CCDC33: variants seen among roughly 807,000 people sequenced by gnomAD.
CCDC33 encodes the protein coiled-coil domain-containing protein 33.
A neutral mutation model predicts 91.9 loss-of-function variants in CCDC33; 94 were observed. The ratio of observed to expected loss-of-function variants is 1.02; its 90% CI spans 0.87 to 1.21. The LOEUF (loss-of-function observed/expected upper bound fraction) is 1.21. Among genes scored for constraint, CCDC33 ranks in the 50% most tolerant of loss-of-function variants. The probability of loss-of-function intolerance (pLI) is 0.00; values close to 1 mark genes in which losing one functional copy is unlikely to be tolerated. For synonymous variants in CCDC33, 396 were observed against 374.5 expected (o/e 1.06, Z -0.66); for missense variants, 940 against 935.5 (o/e 1.00, Z -0.06).
intron 7 of CCDC33, among the ~76,000 whole-genome samples, chr15:74,279,463 T>C (rs890450268): frequency 1.3e-5 from 2 of 152,232 alleles, no homozygotes; most frequent in African/African-American, 4.8e-5. Context: ...GTTTTTCTTC[T>C]TCCTATTTTT....
intron 11 of CCDC33, among the ~76,000 whole-genome samples, chr15:74,322,713 G>T (rs552551106): frequency 3.9e-5 from 6 of 152,322 alleles, no homozygotes; most frequent in African/African-American, 1.4e-4. Flanking sequence ...ACTCAGGTTG[G>T]CCTCATCCCA....
In CCDC33 at chr15:74,281,798, C is replaced by G. The variant is rs200133344; in HGVS notation, c.1044C>G (p.Ile348Met). ...CCCAGGACACCAGCCTGAAAACTATCAATGATGAGGCCCCCACAGTGGCTC... is the reference window on the plus strand; with the variant it reads ...CCCAGGACACCAGCCTGAAAACTATGAATGATGAGGCCCCCACAGTGGCTC... ...LPIMDTSLKT[I>M]NDEAPTVALS... Residue 348 changes from isoleucine (I) to methionine (M), a missense_variant, in exon 10 of 19, where the codon ATC becomes ATG. Physicochemically the swap from Ile to Met is conservative, Grantham distance 10 (BLOSUM62 1). Transcript: ENST00000398814. 31 of 1,613,982 alleles carry G rather than the reference C, an allele frequency of 1.9e-5. No homozygotes were observed. The highest frequency in any genetic ancestry group is 2.6e-5 in the Non-Finnish European group (31 of 1,179,932).
intron 10 of CCDC33, among the ~76,000 whole-genome samples, chr15:74,285,909 C>T (rs1014771087): frequency 3.3e-5 from 5 of 152,136 alleles, no homozygotes; most frequent in Non-Finnish European, 7.4e-5. Flanking sequence ...CCCTTTATTG[C>T]ACATTCAGTG....
chr15:74,278,783 C>A (rs2076515606), intron 7 of CCDC33, among the ~76,000 whole-genome samples: 2 of 152,376 alleles, frequency 1.3e-5, no homozygotes, highest in African/African-American at 4.8e-5. Context: ...TTTCATATAG[C>A]TCTCTTATTG....
At chr15:74,279,175 G>A (rs938965375) in intron 7 of CCDC33, among the ~76,000 whole-genome samples, 12 of 152,192 alleles carry the variant, frequency 7.9e-5, no homozygotes, top group Admixed American at 7.2e-4. Context: ...AGTAATTTGC[G>A]ACATGAAGAT....
chr15:74,257,842 C>G (rs574365499), intron 2 of CCDC33, among the ~76,000 whole-genome samples: 1 of 152,342 alleles, frequency 6.6e-6, no homozygotes, highest in South Asian at 2.1e-4. Flanking sequence ...AGACTGGGCT[C>G]CTGGATTGGG....
intron 2 of CCDC33, among the ~76,000 whole-genome samples, chr15:74,222,599 G>T (rs1401475909): frequency 6.7e-6 from 1 of 149,372 alleles, no homozygotes; most frequent in African/African-American, 2.5e-5. Flanking sequence ...AAAAGGAGAA[G>T]AAAAGCTAAT....
At chr15:74,308,392 G>A (rs1310410839) in intron 11 of CCDC33, among the ~76,000 whole-genome samples, 2 of 37,790 alleles carry the variant, frequency 5.3e-5, no homozygotes, top group East Asian at 1.0e-3. Flanking sequence ...CACACATTTG[G>A]TGCTAAATAT....
At chr15:74,237,490 C>T (rs961504560) in intron 1 of CCDC33, among the ~76,000 whole-genome samples, 1 of 152,230 alleles carries the variant, frequency 6.6e-6, no homozygotes, top group Non-Finnish European at 1.5e-5. Flanking sequence ...GGGATACCCT[C>T]TTTGTAGTTA....
chr15:74,283,172 T>G (rs1248106387), intron 10 of CCDC33, among the ~76,000 whole-genome samples: 1 of 152,146 alleles, frequency 6.6e-6, no homozygotes, highest in African/African-American at 2.4e-5. Context: ...GATTGCCCTC[T>G]CAAGGGTAGA....
Position 74,262,523 on chromosome 15 carries a change from G to A in CCDC33, c.269G>A (p.Trp90Ter), listed in dbSNP as rs2076053782. The change falls in exon 3 of 19, where the codon TGG becomes TAG. Residue 90 changes from tryptophan (W) to a stop codon, truncating the protein, a stop_gained. Coordinates refer to ENST00000398814, the MANE Select transcript of CCDC33 (RefSeq NM_025055.5). LOFTEE classifies it high-confidence loss of function. The part of the protein sequence containing the change: ...VTSEPTRAPI[W>*]GDTVNVEIQA... ...TCAGAGCCCACCAGAGCCCCTATCT[G>A]GGGGGACACGGTGAATGTGGAGATC... 3.1e-6 allele frequency: 5 copies of A among 1,613,844 alleles called. No individual in the cohort carries two copies. The highest frequency in any genetic ancestry group is 4.2e-6 in the Non-Finnish European group (5 of 1,179,918).
At chr15:74,226,743 G>A (rs112511609) in intron 2 of CCDC33, among the ~76,000 whole-genome samples, 3,331 of 151,640 alleles carry the variant, frequency 0.022, 123 homozygotes, top group East Asian at 0.15. Flanking sequence ...CAGGAGAATC[G>A]CTTGAACCTG....
intron 7 of CCDC33, among the ~76,000 whole-genome samples, chr15:74,274,797 C>T (rs865990540): frequency 6.6e-6 from 1 of 152,248 alleles, no homozygotes; most frequent in East Asian, 1.9e-4. Context: ...AGGTGCCACT[C>T]ACTACAGAGA....
chr15:74,330,391 C>T (rs1277954052), intron 12 of CCDC33, 37 bp downstream of exon 12: 1 of 1,520,658 alleles, frequency 6.6e-7, no homozygotes, highest in Admixed American at 2.1e-5. Context: ...ACCCGGGCTT[C>T]TGCCTGGGCC....
chr15:74,330,544 G>A, intron 12 of CCDC33, 119 bp from the exon 13 acceptor site: 1 of 1,083,400 alleles, frequency 9.2e-7, no homozygotes, highest in Non-Finnish European at 1.4e-6. Flanking sequence ...GGGAAACAGA[G>A]AATCCAGTCC....
At position 74,278,099 on chromosome 15, in the gene CCDC33, C is replaced by T. The variant is rs7170362; in HGVS notation, c.760-1864C>T. 8.2e-3 allele frequency among the ~76,000 whole-genome samples: 1,242 copies of T among 152,354 alleles called. 14 individuals carry two copies. Among genetic ancestry groups the T allele is most frequent in the African/African-American group, 0.028 (1,175 of 41,588 alleles). Reference sequence around the variant, plus strand: ...TCACCGGACCTGTTGGCCAAGCTCCCATAAGAAGTGGGATGTTCCCATCAT... The same window carrying T: ...TCACCGGACCTGTTGGCCAAGCTCCTATAAGAAGTGGGATGTTCCCATCAT... On this transcript the variant is annotated intron_variant, in intron 7 of 18. Coordinates refer to ENST00000398814, the MANE Select transcript of CCDC33 (RefSeq NM_025055.5).
intron 11 of CCDC33, 44 bp downstream of exon 11, chr15:74,295,992 G>T: frequency 1.3e-6 from 2 of 1,531,280 alleles, no homozygotes; most frequent in Non-Finnish European, 1.8e-6. Context: ...GCAGTGATGA[G>T]GCCATGGGAA....
chr15:74,294,297 C>G (rs2059638009), intron 10 of CCDC33, among the ~76,000 whole-genome samples: 1 of 152,124 alleles, frequency 6.6e-6, no homozygotes, highest in Admixed American at 6.6e-5. Context: ...TTTTGAGGTC[C>G]CTGAAAACCC....
At chr15:74,208,376 C>T (rs1202387273) in intron 1 of CCDC33, among the ~76,000 whole-genome samples, 2 of 152,124 alleles carry the variant, frequency 1.3e-5, no homozygotes, top group Non-Finnish European at 2.9e-5. Flanking sequence ...CAGCACGTTC[C>T]TCCCTGGGCT....
Sources: allele counts gnomAD v4.1 joint callset (sites outside exome capture counted in the v4.1 genomes callset), GRCh38; gene constraint gnomAD v4.1.1; transcripts MANE v1.5; gene names NCBI Gene and HGNC (gene_info 2026-07-23, HGNC 2026-07-21).